The following FAM114A1 variants were observed in gnomAD, a reference collection of about 807,000 sequenced individuals.
The protein encoded by FAM114A1 is family with sequence similarity 114 member A1, also known as protein NOXP20.
FAM114A1 carries 62 observed loss-of-function variants against 64.3 expected under a neutral mutation model. The ratio of observed to expected loss-of-function variants is 0.96; its 90% CI spans 0.79 to 1.19. The LOEUF (loss-of-function observed/expected upper bound fraction) is 1.19, where lower values mean the gene tolerates loss of function less well. Ranked by LOEUF, FAM114A1 falls within the 50% of genes most tolerant of loss-of-function variation. The probability of loss-of-function intolerance (pLI) is 0.00; values close to 1 mark genes in which losing one functional copy is unlikely to be tolerated. For synonymous variants in FAM114A1, 254 were observed against 251.1 expected, an observed-to-expected ratio of 1.01 and a Z score of -0.11; for missense variants, 645 against 676.3, an observed-to-expected ratio of 0.95 and a Z score of 0.51.
rs1489342034 is a variant in FAM114A1 at position 38,944,444 on chromosome 4, C to G, written c.*887C>G. 6.6e-6 allele frequency: 1 copy of G among 152,160 alleles called. No individual in the cohort carries two copies. Among genetic ancestry groups the G allele is most frequent in the African/African-American group, 2.4e-5 (1 of 41,420 alleles). The allele number at this position is 152,160 out of a possible 1,614,324, so 9.4% of individuals were successfully genotyped here. A position where few individuals can be genotyped will look rare whatever the true frequency, so the allele number is the denominator to read the frequency against. ...ACAGTAAAGAAACGTGATCTTATCC[C>G]AGTAGAGGTAGATATTCTGAAAAAG... On this transcript the variant is annotated 3_prime_UTR_variant, in exon 15 of 15. Coordinates refer to ENST00000358869, the MANE Select transcript of FAM114A1 (RefSeq NM_138389.4).
At chr4:38,878,969 C>T (rs1297074130) in intron 3 of FAM114A1, among the ~76,000 whole-genome samples, 1 of 152,210 alleles carries the variant, frequency 6.6e-6, no homozygotes, top group Non-Finnish European at 1.5e-5. Flanking sequence ...TTTATCATCA[C>T]ACATCACCTT....
At chr4:38,919,572 C>G (rs1719392676) in intron 8 of FAM114A1, among the ~76,000 whole-genome samples, 1 of 152,180 alleles carries the variant, frequency 6.6e-6, no homozygotes, top group African/African-American at 2.4e-5. Flanking sequence ...GATGTGGGCT[C>G]TGGTGGGACC....
At chr4:38,873,919 T>C (rs992851810) in intron 2 of FAM114A1, among the ~76,000 whole-genome samples, 3 of 151,572 alleles carry the variant, frequency 2.0e-5, no homozygotes, top group Admixed American at 6.6e-5. Flanking sequence ...AGCCGTGAGG[T>C]GAAGGATGGG....
At chr4:38,904,031 G>A (rs1159319490) in intron 4 of FAM114A1, among the ~76,000 whole-genome samples, 1 of 152,148 alleles carries the variant, frequency 6.6e-6, no homozygotes, top group Admixed American at 6.5e-5. Flanking sequence ...TCAGGAAATG[G>A]GCAATTGGTT....
chr4:38,922,959 T>C, intron 9 of FAM114A1, 66 bp downstream of exon 9: 1 of 1,520,926 alleles, frequency 6.6e-7, no homozygotes, highest in African/African-American at 1.4e-5. Flanking sequence ...CTGCTGTTAA[T>C]GAACACAGCC....
intron 2 of FAM114A1, among the ~76,000 whole-genome samples, chr4:38,873,490 G>T (rs1436876267): frequency 6.6e-6 from 1 of 152,096 alleles, no homozygotes; most frequent in Non-Finnish European, 1.5e-5. Flanking sequence ...AACAAGGAAG[G>T]TCTTTGTCTT....
intron 6 of FAM114A1, among the ~76,000 whole-genome samples, chr4:38,907,716 G>A (rs1419111598): frequency 6.6e-6 from 1 of 152,048 alleles, no homozygotes; most frequent in Non-Finnish European, 1.5e-5. Context: ...ATGAAGATTG[G>A]AAAATGCATA....
At chr4:38,880,100 A>AATAGAATAGAATAGAATAG (rs1560288012) in intron 3 of FAM114A1, among the ~76,000 whole-genome samples, 1 of 98,942 alleles carries the variant, frequency 1.0e-5, no homozygotes, top group African/African-American at 3.4e-5. Context: ...AAATAAAATA[A>AATAGAATAGAATAGAATAG]AATAGAGTAG....
chr4:38,929,279 T>C lies in FAM114A1; in HGVS notation c.1107T>C (p.Leu369=). ...AGGGAGAAGAATTTGCTCGCATGCT[T>C]ACAGAGCTTCTCTTTGAATTACATG... ...EEKGEEFARM[L]TELLFELHVA... Residue 369 remains leucine (L), a synonymous_variant, in exon 10 of 15, where the codon CTT becomes CTC. Coordinates refer to ENST00000358869, the MANE Select transcript of FAM114A1 (RefSeq NM_138389.4). 6.2e-7 allele frequency: 1 copy of C among 1,614,072 alleles called. No homozygotes were observed. The highest frequency in any genetic ancestry group is 8.5e-7 in the Non-Finnish European group (1 of 1,179,924).
intron 3 of FAM114A1, among the ~76,000 whole-genome samples, chr4:38,891,390 T>C (rs1233993652): frequency 6.6e-6 from 1 of 152,174 alleles, no homozygotes; most frequent in East Asian, 1.9e-4. Context: ...GTCCAGATCA[T>C]TTTGAACTTT....
intron 14 of FAM114A1, among the ~76,000 whole-genome samples, chr4:38,943,066 G>A (rs1407586831): frequency 1.3e-5 from 2 of 152,018 alleles, no homozygotes; most frequent in Admixed American, 6.6e-5. Context: ...GGTGGTGCAC[G>A]CCCGTAGTCC....
chr4:38,926,073 G>A (rs972576045), intron 9 of FAM114A1, among the ~76,000 whole-genome samples: 12 of 152,254 alleles, frequency 7.9e-5, no homozygotes, highest in East Asian at 7.7e-4. Context: ...ACACTTTCAC[G>A]TTTGTTGCAG....
chr4:38,912,022 G>A (rs1284009722), intron 7 of FAM114A1, among the ~76,000 whole-genome samples: 3 of 151,450 alleles, frequency 2.0e-5, no homozygotes, highest in East Asian at 1.9e-4. Context: ...CACCACGCCC[G>A]GCTAATTTTT....
intron 2 of FAM114A1, among the ~76,000 whole-genome samples, chr4:38,872,332 C>T (rs1247663357): frequency 1.3e-5 from 2 of 152,196 alleles, no homozygotes; most frequent in Non-Finnish European, 2.9e-5. Flanking sequence ...TTTTAGGATA[C>T]TTCATGAACA....
chr4:38,911,672 T>G (rs895656606), intron 7 of FAM114A1, among the ~76,000 whole-genome samples: 3 of 152,086 alleles, frequency 2.0e-5, no homozygotes, highest in Non-Finnish European at 4.4e-5. Context: ...CCAAGGTCTT[T>G]CGGACAACTG....
chr4:38,933,179 A>G (rs1056075122), intron 12 of FAM114A1, among the ~76,000 whole-genome samples: 1 of 152,168 alleles, frequency 6.6e-6, no homozygotes, highest in African/African-American at 2.4e-5. Flanking sequence ...TAGCAAGTGC[A>G]TTATGTTAGC....
At chr4:38,934,788 C>T (rs1255065682) in intron 12 of FAM114A1, among the ~76,000 whole-genome samples, 2 of 152,202 alleles carry the variant, frequency 1.3e-5, no homozygotes, top group African/African-American at 4.8e-5. Context: ...GTATTAAAAA[C>T]ACATTCTACA....
At chr4:38,939,141 G>T (rs1721369888) in intron 13 of FAM114A1, among the ~76,000 whole-genome samples, 1 of 152,218 alleles carries the variant, frequency 6.6e-6, no homozygotes, top group Non-Finnish European at 1.5e-5. Flanking sequence ...TAGCAAGGCT[G>T]TGGCAGATGG....
intron 9 of FAM114A1, among the ~76,000 whole-genome samples, chr4:38,926,453 T>TC (rs199868031): frequency 2.7e-5 from 4 of 147,294 alleles, no homozygotes; most frequent in African/African-American, 1.0e-4. Flanking sequence ...TCTCTCTCTC[T>TC]CCCCTTTTTT....
Sources: gnomAD v4.1 joint callset for allele counts (sites outside exome capture counted in the v4.1 genomes callset) on GRCh38, gnomAD v4.1.1 for gene constraint, MANE v1.5 for transcripts, NCBI Gene and HGNC (gene_info 2026-07-23, HGNC 2026-07-21) for gene names.